Variants in LRRC7 observed in about 807,000 individuals in gnomAD.
The protein encoded by LRRC7 is leucine rich repeat containing 7, also known as leucine-rich repeat-containing protein 7.
LRRC7 carries 23 observed loss-of-function variants against 175.7 expected under a neutral mutation model. The ratio of observed to expected loss-of-function variants is 0.13; its 90% CI spans 0.09 to 0.19. The LOEUF is 0.19. Among genes scored for constraint, LRRC7 ranks in the 10% least tolerant of loss-of-function variants. The pLI, the probability that LRRC7 is intolerant of heterozygous loss-of-function variation, is 1.00. For synonymous variants in LRRC7, 685 were observed against 680.9 expected, an observed-to-expected ratio of 1.01 and a Z score of -0.09; for missense variants, 1,354 against 1,904.7, an observed-to-expected ratio of 0.71 and a Z score of 5.38.
At chr1:69,868,943 A>G (rs929226741) in intron 7 of LRRC7, among the ~76,000 whole-genome samples, 27 of 146,698 alleles carry the variant, frequency 1.8e-4, no homozygotes, top group Non-Finnish European at 3.6e-4. Context: ...ATATATCTTA[A>G]TCTCCTGTTT....
intron 2 of LRRC7, among the ~76,000 whole-genome samples, chr1:69,723,375 T>C (rs1308271853): frequency 6.6e-6 from 1 of 152,074 alleles, no homozygotes; most frequent in Non-Finnish European, 1.5e-5. Context: ...ATTTGAGACT[T>C]AACATATTAA....
chr1:69,927,859 A>C (rs952524533), intron 7 of LRRC7, among the ~76,000 whole-genome samples: 10 of 152,166 alleles, frequency 6.6e-5, no homozygotes, highest in Non-Finnish European at 2.9e-5. Context: ...GAGGAACTGC[A>C]TTCCTTTGGA....
chr1:69,687,159 A>G (rs1479939067), intron 2 of LRRC7, among the ~76,000 whole-genome samples: 1 of 152,128 alleles, frequency 6.6e-6, no homozygotes, highest in African/African-American at 2.4e-5. Flanking sequence ...TTAGTTGTCA[A>G]TAGCAAATAA....
intron 1 of LRRC7, among the ~76,000 whole-genome samples, chr1:69,621,875 T>G (rs531052487): frequency 4.3e-4 from 65 of 152,320 alleles, no homozygotes; most frequent in African/African-American, 1.5e-3. Context: ...TTCTATTCAA[T>G]GCTTTTGATT....
chr1:69,683,931 A>G (rs189033599), intron 2 of LRRC7, among the ~76,000 whole-genome samples: 16 of 152,276 alleles, frequency 1.1e-4, no homozygotes, highest in Admixed American at 8.5e-4. Context: ...TGAAATAATA[A>G]ATAATTATGG....
intron 7 of LRRC7, among the ~76,000 whole-genome samples, chr1:69,906,945 G>T (rs1037351377): frequency 2.0e-5 from 3 of 152,132 alleles, no homozygotes; most frequent in East Asian, 3.9e-4. Context: ...TTGAGCAGTG[G>T]TTTGTAGTTC....
chr1:69,573,389 C>A (rs1019673242), intron 1 of LRRC7, among the ~76,000 whole-genome samples: 8 of 152,076 alleles, frequency 5.3e-5, no homozygotes, highest in African/African-American at 1.9e-4. Context: ...CTTTTGAAAG[C>A]TGTATATTTG....
chr1:69,866,052 A>G (rs1049705059), intron 7 of LRRC7, among the ~76,000 whole-genome samples: 2 of 152,238 alleles, frequency 1.3e-5, no homozygotes, highest in Admixed American at 1.3e-4. Flanking sequence ...AAATGGCAAA[A>G]GAATGAAGCA....
chr1:69,671,550 G>A (rs1474475429), intron 1 of LRRC7, among the ~76,000 whole-genome samples: 1 of 152,092 alleles, frequency 6.6e-6, no homozygotes, highest in East Asian at 1.9e-4. Flanking sequence ...CTGGCGCTGA[G>A]CCCAGTTCAG....
chr1:69,638,787 A>G (rs551992028), intron 1 of LRRC7, among the ~76,000 whole-genome samples: 3 of 151,792 alleles, frequency 2.0e-5, no homozygotes, highest in Non-Finnish European at 2.9e-5. Context: ...GATTATTATT[A>G]TATTTAAAGC....
chr1:69,954,750 G>C (rs556525727), intron 8 of LRRC7, among the ~76,000 whole-genome samples: 1 of 152,040 alleles, frequency 6.6e-6, no homozygotes, highest in East Asian at 1.9e-4. Flanking sequence ...GAAAATATTA[G>C]CTTGTTACAA....
intron 1 of LRRC7, among the ~76,000 whole-genome samples, chr1:69,633,504 C>CT (rs1652838965): frequency 6.6e-6 from 1 of 152,144 alleles, no homozygotes; most frequent in African/African-American, 2.4e-5. Flanking sequence ...TCTCAACTCA[C>CT]TGCAACCTCT....
chr1:69,636,233 G>T (rs762527961), intron 1 of LRRC7, among the ~76,000 whole-genome samples: 6 of 151,852 alleles, frequency 4.0e-5, no homozygotes, highest in Non-Finnish European at 8.8e-5. Flanking sequence ...ATTCAGTTCC[G>T]TTCAATTCTA....
chr1:70,136,116 C>A lies in LRRC7; in HGVS notation c.*14229C>A, dbSNP rs1666862065. ...GTGTGTGTCTATATATCTTATCAGG[C>A]AATTTTTTTTTTTTTTGCATTTCCA... On this transcript the variant is annotated 3_prime_UTR_variant, in exon 27 of 27. Coordinates refer to ENST00000651989, the MANE Select transcript of LRRC7 (RefSeq NM_001370785.2). Among the ~76,000 whole-genome samples, 1 of 148,792 alleles carries A rather than the reference C, an allele frequency of 6.7e-6. No homozygotes were observed. The highest frequency in any genetic ancestry group is 1.5e-5 in the Non-Finnish European group (1 of 67,244).
intron 11 of LRRC7, among the ~76,000 whole-genome samples, chr1:70,001,626 A>G (rs1221787161): frequency 6.6e-6 from 1 of 152,216 alleles, no homozygotes; most frequent in Non-Finnish European, 1.5e-5. Flanking sequence ...TGCACACGGA[A>G]TATTTCAGTA....
At chr1:69,923,021 T>C (rs1190093260) in intron 7 of LRRC7, among the ~76,000 whole-genome samples, 3 of 152,002 alleles carry the variant, frequency 2.0e-5, no homozygotes, top group African/African-American at 7.3e-5. Flanking sequence ...CCTGTGTCCA[T>C]GTGCTCTCAT....
chr1:69,913,722 A>G (rs1425129219), intron 7 of LRRC7, among the ~76,000 whole-genome samples: 1 of 152,142 alleles, frequency 6.6e-6, no homozygotes, highest in African/African-American at 2.4e-5. Flanking sequence ...CATGTTGGCC[A>G]GGCTGGTCTC....
chr1:69,888,010 G>C (rs2101634062), intron 7 of LRRC7, among the ~76,000 whole-genome samples: 2 of 108,674 alleles, frequency 1.8e-5, no homozygotes, highest in South Asian at 5.6e-4. Context: ...GAGAACCACT[G>C]CTCCCTTCAA....
At chr1:69,677,243 T>TATATATATATC (rs962082167) in intron 1 of LRRC7, among the ~76,000 whole-genome samples, 3 of 117,182 alleles carry the variant, frequency 2.6e-5, no homozygotes, top group Non-Finnish European at 3.8e-5. Flanking sequence ...TTATATATGT[T>TATATATATATC]ATATATATAT....
Sources: gnomAD v4.1 joint callset for allele counts (sites outside exome capture counted in the v4.1 genomes callset) on GRCh38, gnomAD v4.1.1 for gene constraint, MANE v1.5 for transcripts, NCBI Gene and HGNC (gene_info 2026-07-23, HGNC 2026-07-21) for gene names.